BPTF: variants seen among roughly 807,000 people sequenced by gnomAD.
BPTF encodes the protein bromodomain PHD finger transcription factor.
Under a neutral mutation model 292.5 loss-of-function variants are expected in BPTF, and 18 were observed. The observed-to-expected ratio is 0.06, with a 90% CI of 0.04 to 0.09. The LOEUF (loss-of-function observed/expected upper bound fraction) is 0.09. Ranked by LOEUF, BPTF falls within the 10% of genes least tolerant of loss-of-function variation. The pLI is 1.00. For synonymous variants in BPTF, 1,225 were observed against 1,251.9 expected, an observed-to-expected ratio of 0.98 and a Z score of 0.45; for missense variants, 2,726 against 3,498.7, an observed-to-expected ratio of 0.78 and a Z score of 5.57.
chr17:67,833,825 C>G (rs1041129971), intron 1 of BPTF, among the ~76,000 whole-genome samples: 1 of 152,082 alleles, frequency 6.6e-6, no homozygotes, highest in African/African-American at 2.4e-5. Context: ...GCCTTGGCCT[C>G]CCAAAGTGCT....
intron 18 of BPTF, among the ~76,000 whole-genome samples, chr17:67,935,760 A>G (rs1370701166): frequency 6.6e-6 from 1 of 152,120 alleles, no homozygotes; most frequent in Non-Finnish European, 1.5e-5. Flanking sequence ...AGGTCAAGGC[A>G]GGGAGAATTG....
chr17:67,834,942 G>A (rs1598116998), intron 1 of BPTF, among the ~76,000 whole-genome samples: 1 of 152,212 alleles, frequency 6.6e-6, no homozygotes. Flanking sequence ...GCCAAGCGTG[G>A]TGGCTCATAC....
intron 17 of BPTF, among the ~76,000 whole-genome samples, chr17:67,930,855 T>A (rs2147508427): frequency 6.6e-6 from 1 of 151,164 alleles, no homozygotes; most frequent in South Asian, 2.1e-4. Context: ...CTTGGGAGGG[T>A]AAGGGACGAG....
intron 11 of BPTF, among the ~76,000 whole-genome samples, chr17:67,916,528 T>G (rs969887181): frequency 1.3e-5 from 2 of 151,802 alleles, no homozygotes; most frequent in Non-Finnish European, 2.9e-5. Context: ...AGGCGGAGGT[T>G]GCAGTGAGCC....
intron 23 of BPTF, 46 bp from the exon 24 acceptor site, chr17:67,959,495 T>C: frequency 7.0e-7 from 1 of 1,436,452 alleles, no homozygotes; most frequent in South Asian, 1.6e-5. Flanking sequence ...ATCACACATT[T>C]ACATGACTCT....
intron 23 of BPTF, among the ~76,000 whole-genome samples, chr17:67,953,961 C>CTTTTTTTTTTTTTTTTTTTTTTTTTTT (rs869063412): frequency 3.0e-5 from 2 of 65,640 alleles, no homozygotes; most frequent in African/African-American, 1.4e-4. Flanking sequence ...CTTTTCTTTT[C>CTTTTTTTTTTTTTTTTTTTTTTTTTTT]TTTTTTTTTT....
chr17:67,945,344 A>G, intron 20 of BPTF, 65 bp from the exon 21 acceptor site: 1 of 1,542,790 alleles, frequency 6.5e-7, no homozygotes, highest in Middle Eastern at 1.8e-4. Context: ...TTTCCTTCAG[A>G]TTCTTCTTTA....
chr17:67,918,040 CTG>C (rs2063169991), intron 11 of BPTF, among the ~76,000 whole-genome samples: 3 of 152,006 alleles, frequency 2.0e-5, no homozygotes, highest in Non-Finnish European at 2.9e-5. Context: ...ACCTTGTGAT[CTG>C]CCCACCTCGG....
chr17:67,982,429 C>A lies in BPTF; in HGVS notation c.*141C>A. On this transcript the variant is annotated 3_prime_UTR_variant, in exon 28 of 28. Transcript: ENST00000306378. ...TTCGTTTTTATTGGTCATAACAGTC[C>A]AATTATATTCTTGGCCAATTTTGTC... 4 of 623,058 alleles carry A rather than the reference C, an allele frequency of 6.4e-6. No individual in the cohort carries two copies. Among genetic ancestry groups the A allele is most frequent in the Non-Finnish European group, 5.1e-6 (2 of 392,536 alleles). 38.6% of individuals were successfully genotyped at this position (623,058 alleles called of 1,614,324 possible).
Position 67,959,658 on chromosome 17 carries a change from G to GC in BPTF, c.8048dup (p.Pro2684SerfsTer54). The GC allele has an allele frequency of 1.9e-6, 3 of 1,595,096 alleles. No homozygotes were observed. The highest frequency in any genetic ancestry group is 2.6e-6 in the Non-Finnish European group (3 of 1,171,362). On this transcript the variant is annotated frameshift_variant, in exon 24 of 28. Coordinates refer to ENST00000306378, the MANE Select transcript of BPTF (RefSeq NM_182641.4). LOFTEE classifies it high-confidence loss of function. ...GACACCAGCTCCTCCAGCCCCTCCA[G>GC]CCCCTCCACCTTCACCTCCCCCTCC...
At chr17:67,887,453 T>C (rs2060820776) in intron 4 of BPTF, among the ~76,000 whole-genome samples, 1 of 152,220 alleles carries the variant, frequency 6.6e-6, no homozygotes, top group Non-Finnish European at 1.5e-5. Context: ...AATCTTTTTC[T>C]TTAGAGTTTC....
chr17:67,938,309 A>G (rs1427272446), intron 18 of BPTF, among the ~76,000 whole-genome samples: 1 of 152,158 alleles, frequency 6.6e-6, no homozygotes. Flanking sequence ...TTGTTTCTCA[A>G]ACTGCAATGC....
At chr17:67,895,454 C>T (rs1278642931) in intron 7 of BPTF, among the ~76,000 whole-genome samples, 1 of 149,252 alleles carries the variant, frequency 6.7e-6, no homozygotes, top group Non-Finnish European at 1.5e-5. Context: ...GGTGTTTCCA[C>T]CACATACATT....
chr17:67,978,469 T>C (rs1180800244), intron 27 of BPTF, among the ~76,000 whole-genome samples: 2 of 151,858 alleles, frequency 1.3e-5, no homozygotes, highest in Non-Finnish European at 2.9e-5. Flanking sequence ...CAGCTGATTT[T>C]TGTATTTTTA....
At chr17:67,867,730 A>C (rs2059471203) in intron 3 of BPTF, among the ~76,000 whole-genome samples, 1 of 152,110 alleles carries the variant, frequency 6.6e-6, no homozygotes, top group Non-Finnish European at 1.5e-5. Context: ...GCCTAGGTTT[A>C]TGCATTTTGG....
Position 67,826,123 on chromosome 17 carries a change from GGAGGAGGAA to G in BPTF, c.408_416del (p.Glu136_Glu138del), listed in dbSNP as rs1193364341. 1 of 1,426,092 alleles carries G rather than the reference GGAGGAGGAA, an allele frequency of 7.0e-7. No homozygotes were observed. Among genetic ancestry groups the G allele is most frequent in the Admixed American group, 1.8e-5 (1 of 56,062 alleles). The allele number at this position is 1,426,092 out of a possible 1,614,324, so 88.3% of individuals were successfully genotyped here. A position where few individuals can be genotyped will look rare whatever the true frequency, so the allele number is the denominator to read the frequency against. ...TGTACGATGACCACGAGAGCGAGGA[GGAGGAGGAA>G]GAGGAGGACATGGTCTCCGAGGAGG... is the stretch of plus-strand genomic sequence containing the variant. On this transcript the variant is annotated inframe_deletion, in exon 1 of 28. Coordinates refer to ENST00000306378, the MANE Select transcript of BPTF (RefSeq NM_182641.4).
chr17:67,873,640 T>C (rs1343171254), intron 3 of BPTF, among the ~76,000 whole-genome samples: 1 of 152,158 alleles, frequency 6.6e-6, no homozygotes, highest in Admixed American at 6.5e-5. Context: ...GATTTCTCAC[T>C]GTCAGAGAAG....
chr17:67,849,942 GA>G (rs546394208), intron 1 of BPTF, among the ~76,000 whole-genome samples: 22 of 147,538 alleles, frequency 1.5e-4, no homozygotes, highest in South Asian at 4.3e-4. Flanking sequence ...CTCCATCTCA[GA>G]AAAAAAAAAA....
At chr17:67,838,755 C>T (rs911674568) in intron 1 of BPTF, among the ~76,000 whole-genome samples, 9 of 152,174 alleles carry the variant, frequency 5.9e-5, no homozygotes, top group South Asian at 2.1e-4. Flanking sequence ...GGATTACAGG[C>T]GTGAGCCACC....
Sources: gnomAD v4.1 joint callset for allele counts (sites outside exome capture counted in the v4.1 genomes callset) on GRCh38, gnomAD v4.1.1 for gene constraint, MANE v1.5 for transcripts, NCBI Gene and HGNC (gene_info 2026-07-23, HGNC 2026-07-21) for gene names.